Variants in CTNNA3 observed in about 807,000 individuals in gnomAD.
CTNNA3 encodes catenin alpha-3.
Under a neutral mutation model 95.7 loss-of-function variants are expected in CTNNA3, and 76 were observed. The ratio of observed to expected loss-of-function variants is 0.79; its 90% CI spans 0.66 to 0.96. The LOEUF (loss-of-function observed/expected upper bound fraction) is 0.96. CTNNA3 is among the 40% of genes least tolerant of loss of function. CTNNA3 has a pLI of 0.00. For missense variants in CTNNA3, 1,191 were observed against 1,089.8 expected (o/e 1.09, Z -1.31); for synonymous variants, 431 against 374.4 (o/e 1.15, Z -1.74).
chr10:66,932,664 A>C (rs1178313554), intron 7 of CTNNA3, among the ~76,000 whole-genome samples: 2 of 148,294 alleles, frequency 1.3e-5, no homozygotes, highest in Non-Finnish European at 3.0e-5. Flanking sequence ...GATGTTAAAT[A>C]GTTTGTATCA....
At chr10:66,363,794 A>G (rs1049318025) in intron 12 of CTNNA3, among the ~76,000 whole-genome samples, 1 of 152,294 alleles carries the variant, frequency 6.6e-6, no homozygotes, top group Non-Finnish European at 1.5e-5. Context: ...AATCTAACCA[A>G]GTATTGCTTT....
At chr10:67,586,665 C>T (rs975887476) in intron 3 of CTNNA3, among the ~76,000 whole-genome samples, 1 of 152,012 alleles carries the variant, frequency 6.6e-6, no homozygotes, top group Non-Finnish European at 1.5e-5. Context: ...CACCCCATCC[C>T]TATTTTTAGT....
intron 10 of CTNNA3, among the ~76,000 whole-genome samples, chr10:66,613,346 C>A (rs1357713458): frequency 1.3e-5 from 2 of 151,964 alleles, no homozygotes; most frequent in African/African-American, 4.8e-5. Flanking sequence ...CCACTGAGTA[C>A]CCCCTAAATC....
chr10:65,992,874 A>T (rs2078573369), intron 15 of CTNNA3, among the ~76,000 whole-genome samples: 1 of 152,092 alleles, frequency 6.6e-6, no homozygotes, highest in African/African-American at 2.4e-5. Flanking sequence ...GTAGGAATTT[A>T]TTGCTATGAA....
At chr10:66,868,638 C>T (rs1425826648) in intron 7 of CTNNA3, among the ~76,000 whole-genome samples, 1 of 150,856 alleles carries the variant, frequency 6.6e-6, no homozygotes, top group African/African-American at 2.4e-5. Flanking sequence ...GTAATCCCAG[C>T]TACTCAGGAG....
chr10:66,018,978 A>T (rs890256551), intron 15 of CTNNA3, among the ~76,000 whole-genome samples: 1 of 152,128 alleles, frequency 6.6e-6, no homozygotes, highest in Non-Finnish European at 1.5e-5. Flanking sequence ...CCAGTTAGAG[A>T]GACAGTTACA....
chr10:67,096,973 G>A (rs958488572), intron 7 of CTNNA3, among the ~76,000 whole-genome samples: 3 of 151,888 alleles, frequency 2.0e-5, no homozygotes, highest in Non-Finnish European at 2.9e-5. Context: ...GGTAAGAATA[G>A]CCAGAATGGC....
rs569869606 is a variant in CTNNA3, at chr10:66,874,572, C to T, written c.1048-99048G>A. ...ATTTAAACATGTATACATAAATATA[C>T]GTAAGAAAAAACTATACCCACATGC... is the stretch of plus-strand genomic sequence containing the variant. On this transcript the variant is annotated intron_variant, in intron 7 of 17. Transcript: ENST00000433211. 5.9e-5 allele frequency among the ~76,000 whole-genome samples: 9 copies of T among 152,192 alleles called. No homozygotes were observed. The South Asian group carries it at 6.2e-4, about 11-fold the overall frequency.
chr10:66,395,476 T>C (rs1228137453), intron 11 of CTNNA3, among the ~76,000 whole-genome samples: 1 of 151,970 alleles, frequency 6.6e-6, no homozygotes, highest in Non-Finnish European at 1.5e-5. Flanking sequence ...TGTAAATTGC[T>C]ATAAAACTAC....
At chr10:66,305,055 A>G (rs79969547) in intron 12 of CTNNA3, among the ~76,000 whole-genome samples, 197 of 152,140 alleles carry the variant, frequency 1.3e-3, no homozygotes, top group African/African-American at 4.5e-3. Flanking sequence ...TGCCTTTCAC[A>G]TGCAGGCTCA....
intron 7 of CTNNA3, among the ~76,000 whole-genome samples, chr10:66,899,791 CA>C (rs1308156321): frequency 2.0e-5 from 3 of 152,032 alleles, no homozygotes; most frequent in African/African-American, 7.2e-5. Context: ...TGCAGCCTGG[CA>C]GGGGGAGAAG....
At chr10:65,971,935 G>A (rs1036974033) in intron 16 of CTNNA3, among the ~76,000 whole-genome samples, 14 of 152,050 alleles carry the variant, frequency 9.2e-5, no homozygotes, top group African/African-American at 3.4e-4. Flanking sequence ...ACTGAATTTA[G>A]TGGCACATCA....
chr10:66,075,173 C>T (rs2080526129), intron 14 of CTNNA3, among the ~76,000 whole-genome samples: 2 of 151,710 alleles, frequency 1.3e-5, no homozygotes, highest in Admixed American at 6.6e-5. Flanking sequence ...TTGTACTATG[C>T]TCATTACTAC....
At chr10:67,513,681 C>T (rs1241423424) in intron 5 of CTNNA3, among the ~76,000 whole-genome samples, 2 of 152,168 alleles carry the variant, frequency 1.3e-5, no homozygotes, top group African/African-American at 4.8e-5. Context: ...TTCATTATAG[C>T]CATATATAAG....
chr10:67,577,702 A>ATG (rs112856846), intron 3 of CTNNA3, among the ~76,000 whole-genome samples: 18,976 of 149,328 alleles, frequency 0.13, 1,477 homozygotes, highest in East Asian at 0.29. Context: ...ATACACACAT[A>ATG]TGTGTGTGTG....
intron 13 of CTNNA3, among the ~76,000 whole-genome samples, chr10:66,240,343 C>CT (rs2090047512): frequency 6.6e-6 from 1 of 152,154 alleles, no homozygotes; most frequent in South Asian, 2.1e-4. Flanking sequence ...AATTATCACA[C>CT]TTTTTTTCTG....
chr10:67,652,242 A>G (rs1040085717), intron 1 of CTNNA3, among the ~76,000 whole-genome samples: 1 of 152,252 alleles, frequency 6.6e-6, no homozygotes, highest in African/African-American at 2.4e-5. Flanking sequence ...CCATTCTAAT[A>G]TCATCACCCT....
chr10:66,901,677 G>A (rs1331245689), intron 7 of CTNNA3, among the ~76,000 whole-genome samples: 2 of 152,146 alleles, frequency 1.3e-5, no homozygotes, highest in African/African-American at 2.4e-5. Flanking sequence ...AAGGGATGGA[G>A]GAAGATCTAC....
At position 67,154,175 on chromosome 10, in the gene CTNNA3, A is replaced by G. The variant is rs75498239; in HGVS notation, c.1047+26142T>C. On this transcript the variant is annotated intron_variant, in intron 7 of 17. Coordinates refer to ENST00000433211, the MANE Select transcript of CTNNA3 (RefSeq NM_013266.4). Reference sequence around the variant, plus strand: ...TTATAAGTTAATTTAGGAATGTTTTATAACTTTTACGATAAGAGTAAAATG... The same window carrying G: ...TTATAAGTTAATTTAGGAATGTTTTGTAACTTTTACGATAAGAGTAAAATG... Among the ~76,000 whole-genome samples the G allele has an allele frequency of 0.01, 1,527 of 152,304 alleles. 74 individuals are homozygous for G. The East Asian group carries it at 0.14, about 14-fold the overall frequency.
Sources: gnomAD v4.1 joint callset for allele counts (sites outside exome capture counted in the v4.1 genomes callset) on GRCh38, gnomAD v4.1.1 for gene constraint, MANE v1.5 for transcripts, NCBI Gene and HGNC (gene_info 2026-07-23, HGNC 2026-07-21) for gene names.